The following UGGT2 variants were observed in gnomAD, a reference collection of about 807,000 sequenced individuals.
The protein encoded by UGGT2 is UDP-glucose glycoprotein glucosyltransferase 2, also known as UDP-glucose:glycoprotein glucosyltransferase 2.
In UGGT2, 180 loss-of-function variants were observed where a neutral mutation model predicts 192.1. The observed-to-expected ratio is 0.94, with a 90% confidence interval of 0.83 to 1.06. UGGT2 has a LOEUF of 1.06. Among genes scored for constraint, UGGT2 ranks in the 50% least tolerant of loss-of-function variants. UGGT2 has a pLI of 0.00. For missense variants in UGGT2, 1,849 were observed against 1,795.7 expected, an observed-to-expected ratio of 1.03 and a Z score of -0.54; for synonymous variants, 580 against 591.0, an observed-to-expected ratio of 0.98 and a Z score of 0.27.
chr13:95,916,787 C>G (rs1489076975), intron 20 of UGGT2, among the ~76,000 whole-genome samples: 1 of 151,666 alleles, frequency 6.6e-6, no homozygotes, highest in African/African-American at 2.4e-5. Context: ...ACAGACCAAG[C>G]AGAGGAAAAA....
At chr13:95,836,742 G>A (rs1887327106) in intron 37 of UGGT2, among the ~76,000 whole-genome samples, 1 of 152,194 alleles carries the variant, frequency 6.6e-6, no homozygotes, top group South Asian at 2.1e-4. Context: ...TGATATCACA[G>A]AGAAAGGACT....
At chr13:95,845,354 T>C (rs978280506) in intron 36 of UGGT2, among the ~76,000 whole-genome samples, 2 of 95,556 alleles carry the variant, frequency 2.1e-5, no homozygotes, top group Admixed American at 2.2e-4. Context: ...CCCTGGGTAC[T>C]TGAGATTAGG....
intron 1 of UGGT2, among the ~76,000 whole-genome samples, chr13:96,038,753 C>A (rs532317497): frequency 6.6e-6 from 1 of 152,240 alleles, no homozygotes; most frequent in East Asian, 1.9e-4. Flanking sequence ...CCCCCAAAGC[C>A]CCCAAAATCC....
intron 1 of UGGT2, among the ~76,000 whole-genome samples, chr13:96,052,208 A>C (rs976773749): frequency 2.6e-5 from 4 of 152,232 alleles, no homozygotes; most frequent in Admixed American, 1.3e-4. Context: ...TAAGTGAAGT[A>C]AGTCAGAAAT....
intron 10 of UGGT2, among the ~76,000 whole-genome samples, chr13:95,979,397 A>G (rs2051041635): frequency 6.6e-6 from 1 of 152,128 alleles, no homozygotes; most frequent in African/African-American, 2.4e-5. Context: ...CACTAGAAGA[A>G]TTATGCCAAT....
At chr13:96,039,682 A>G (rs1417464020) in intron 1 of UGGT2, among the ~76,000 whole-genome samples, 1 of 152,230 alleles carries the variant, frequency 6.6e-6, no homozygotes, top group African/African-American at 2.4e-5. Flanking sequence ...TAATATAGGC[A>G]GCGAGGAGAA....
intron 8 of UGGT2, among the ~76,000 whole-genome samples, chr13:95,988,300 G>A (rs865961234): frequency 6.6e-6 from 1 of 152,098 alleles, no homozygotes; most frequent in Non-Finnish European, 1.5e-5. Context: ...GATCAGGGAT[G>A]TACAAGTGAT....
intron 8 of UGGT2, among the ~76,000 whole-genome samples, chr13:95,989,106 T>C (rs781198631): frequency 6.6e-6 from 1 of 151,996 alleles, no homozygotes; most frequent in Non-Finnish European, 1.5e-5. Flanking sequence ...ATGATGAGAA[T>C]TTTCTAAAAT....
chr13:95,915,448 A>T (rs1023332950), intron 20 of UGGT2, among the ~76,000 whole-genome samples: 1 of 152,372 alleles, frequency 6.6e-6, no homozygotes. Context: ...AAGAGAAAAG[A>T]TCTTAATATT....
intron 31 of UGGT2, chr13:95,863,376 A>G: frequency 3.1e-6 from 1 of 318,548 alleles, no homozygotes; most frequent in African/African-American, 2.1e-5. Flanking sequence ...CACTTCTTCA[A>G]GGAGTATTTC....
intron 2 of UGGT2, among the ~76,000 whole-genome samples, chr13:96,030,174 T>C (rs2052790561): frequency 6.6e-6 from 1 of 152,208 alleles, no homozygotes; most frequent in African/African-American, 2.4e-5. Context: ...ATCTCATCAT[T>C]CAAACTCAGC....
Position 95,946,706 on chromosome 13 carries a change from A to C in UGGT2, c.1677+331T>G, listed in dbSNP as rs78269311. Among the ~76,000 whole-genome samples, 133 of 152,120 alleles carry C rather than the reference A, an allele frequency of 8.7e-4. 2 individuals are homozygous for C. The East Asian group carries it at 0.024, about 27-fold the overall frequency. ...TCTTTAATCAAAGCCTAGTTCAAGA[A>C]TTTTTTCTTAAATAATCATTTTCTA... On this transcript the variant is annotated intron_variant, in intron 15 of 38. Transcript: ENST00000376747.
intron 20 of UGGT2, among the ~76,000 whole-genome samples, chr13:95,908,008 TA>T (rs2048348258): frequency 6.6e-6 from 1 of 152,084 alleles, no homozygotes; most frequent in African/African-American, 2.4e-5. Context: ...AGAAAAAAGA[TA>T]AGACAAATGG....
chr13:96,045,998 A>G (rs2053299290), intron 1 of UGGT2, among the ~76,000 whole-genome samples: 1 of 152,194 alleles, frequency 6.6e-6, no homozygotes, highest in Admixed American at 6.5e-5. Flanking sequence ...TAAAATTCAT[A>G]TGGAACCAAA....
intron 20 of UGGT2, among the ~76,000 whole-genome samples, chr13:95,911,070 T>G (rs952041473): frequency 1.3e-5 from 2 of 152,208 alleles, no homozygotes; most frequent in Non-Finnish European, 2.9e-5. Context: ...CCAGAATCTT[T>G]GGGACACATT....
At chr13:95,867,096 T>C (rs916764741) in intron 30 of UGGT2, among the ~76,000 whole-genome samples, 2 of 152,096 alleles carry the variant, frequency 1.3e-5, no homozygotes, top group East Asian at 3.9e-4. Context: ...TGGCTACAGA[T>C]AGATTTAGTA....
intron 31 of UGGT2, 80 bp from the exon 32 acceptor site, chr13:95,860,963 C>A (rs2140082422): frequency 7.1e-6 from 5 of 708,568 alleles, no homozygotes; most frequent in South Asian, 6.6e-5. Context: ...TATAAGCAAT[C>A]AATATAGAAA....
intron 36 of UGGT2, among the ~76,000 whole-genome samples, chr13:95,839,330 A>T (rs926005947): frequency 6.6e-6 from 1 of 152,132 alleles, no homozygotes; most frequent in African/African-American, 2.4e-5. Flanking sequence ...TGTACCTAAT[A>T]ATCTACTTTC....
chr13:95,926,043 T>C (rs1364777311), intron 19 of UGGT2, among the ~76,000 whole-genome samples: 1 of 152,090 alleles, frequency 6.6e-6, no homozygotes, highest in Non-Finnish European at 1.5e-5. Flanking sequence ...GAGTAACTCA[T>C]TATATAAGCT....
Sources: allele counts gnomAD v4.1 joint callset (sites outside exome capture counted in the v4.1 genomes callset), GRCh38; gene constraint gnomAD v4.1.1; transcripts MANE v1.5; gene names NCBI Gene and HGNC (gene_info 2026-07-23, HGNC 2026-07-21).